Variants in LRRC55 observed in about 807,000 individuals in gnomAD.
LRRC55 encodes the protein leucine rich repeat containing 55.
Under a neutral mutation model 20.5 loss-of-function variants are expected in LRRC55, and 11 were observed. The ratio of observed to expected loss-of-function variants is 0.54; its 90% CI spans 0.34 to 0.89. LRRC55 has a LOEUF of 0.89. Ranked by LOEUF, LRRC55 falls within the 40% of genes least tolerant of loss-of-function variation. LRRC55 has a pLI of 0.02. For synonymous variants in LRRC55, 188 were observed against 166.6 expected, an observed-to-expected ratio of 1.13 and a Z score of -0.99; for missense variants, 358 against 390.9, an observed-to-expected ratio of 0.92 and a Z score of 0.71.
intron 1 of LRRC55, among the ~76,000 whole-genome samples, chr11:57,184,248 C>G (rs1590776649): frequency 7.2e-6 from 1 of 139,194 alleles, no homozygotes; most frequent in Non-Finnish European, 1.7e-5. Flanking sequence ...CCCTCTCTCT[C>G]CTGTGCACTA....
chr11:57,184,943 G>A (rs146477460), intron 1 of LRRC55, among the ~76,000 whole-genome samples: 1 of 152,246 alleles, frequency 6.6e-6, no homozygotes, highest in African/African-American at 2.4e-5. Flanking sequence ...GTTTCCAGAG[G>A]AGAGCTCACG....
rs540867115 is a variant in LRRC55, at chr11:57,191,540, T to C, written c.*4060T>C. ...GCTGGATCCACAGAGCTCTCAGTTTTTCTAAGCACTGTCCTGTAATGTGCT... is the reference window on the plus strand; with the variant it reads ...GCTGGATCCACAGAGCTCTCAGTTTCTCTAAGCACTGTCCTGTAATGTGCT... On this transcript the variant is annotated 3_prime_UTR_variant, in exon 2 of 2. Transcript: ENST00000497933. 1 of 145,222 alleles carries C rather than the reference T, an allele frequency of 6.9e-6. No individual in the cohort carries two copies. The highest frequency in any genetic ancestry group is 2.2e-4 in the East Asian group (1 of 4,570). The allele number at this position is 145,222 out of a possible 1,614,324, so 9.0% of individuals were successfully genotyped here.
At chr11:57,183,870 G>A (rs1854395733) in intron 1 of LRRC55, among the ~76,000 whole-genome samples, 1 of 152,220 alleles carries the variant, frequency 6.6e-6, no homozygotes, top group African/African-American at 2.4e-5. Context: ...CCAGAGGCAG[G>A]CAATGTTCAG....
intron 1 of LRRC55, among the ~76,000 whole-genome samples, chr11:57,184,379 C>G (rs1854402234): frequency 6.6e-6 from 1 of 152,158 alleles, no homozygotes; most frequent in Non-Finnish European, 1.5e-5. Flanking sequence ...GGAGAGGGGT[C>G]CAAGATTTCA....
chr11:57,191,085 T>G lies in LRRC55; in HGVS notation c.*3605T>G. On this transcript the variant is annotated 3_prime_UTR_variant, in exon 2 of 2. Transcript: ENST00000497933. The stretch of plus-strand genomic sequence containing the variant: ...TCCTTTTTAGAAGAGCCCTCATATC[T>G]GAATCACATCACTTTGGGCCAGTTA... The G allele has an allele frequency of 6.6e-6, 1 of 152,210 alleles. No homozygotes were observed. The highest frequency in any genetic ancestry group is 1.9e-4 in the East Asian group (1 of 5,182). The allele number at this position is 152,210 out of a possible 1,614,324, so 9.4% of individuals were successfully genotyped here. A position where few individuals can be genotyped will look rare whatever the true frequency, so the allele number is the denominator to read the frequency against.
chr11:57,187,451 A>G lies in LRRC55; in HGVS notation c.868A>G (p.Ser290Gly). The change falls in exon 2 of 2, where the codon AGC becomes GGC. Residue 290 changes from serine to glycine, a missense_variant. Physicochemically the swap from Ser to Gly is moderately conservative, Grantham distance 56. Coordinates refer to ENST00000497933, the MANE Select transcript of LRRC55 (RefSeq NM_001005210.4). ...GITANCCHRW[S>G]KASEEEEI ...CACTGCCAACTGCTGCCACCGCTGG[A>G]GCAAGGCCAGTGAAGAGGAAGAGAT... 5 of 1,614,128 alleles carry G rather than the reference A, an allele frequency of 3.1e-6. No individual in the cohort carries two copies. The highest frequency in any genetic ancestry group is 4.2e-6 in the Non-Finnish European group (5 of 1,180,030).
At chr11:57,183,053 C>T (rs1157480696) in intron 1 of LRRC55, among the ~76,000 whole-genome samples, 1 of 152,092 alleles carries the variant, frequency 6.6e-6, no homozygotes, top group Admixed American at 6.5e-5. Flanking sequence ...TTATTATACC[C>T]ATTTTCCAGG....
rs1354893241 is a variant in LRRC55, at chr11:57,188,796, G to A, written c.*1316G>A. 1.3e-5 allele frequency: 2 copies of A among 152,132 alleles called. No homozygotes were observed. Among genetic ancestry groups the A allele is most frequent in the Admixed American group, 1.3e-4 (2 of 15,268 alleles). 9.4% of individuals were successfully genotyped at this position (152,132 alleles called of 1,614,324 possible). A position where few individuals can be genotyped will look rare whatever the true frequency, so the allele number is the denominator to read the frequency against. ...TGACAAAGTTCCTCATAAGGTCCAG[G>A]CACTCCTCTGGGCACTTTTATATCT... On this transcript the variant is annotated 3_prime_UTR_variant, in exon 2 of 2. Coordinates refer to ENST00000497933, the MANE Select transcript of LRRC55 (RefSeq NM_001005210.4).
Position 57,185,624 on chromosome 11 carries a change from C to T in LRRC55, c.662-1621C>T, listed in dbSNP as rs1032472117. ...TTATAGAGGCCCCTTATTATACAGG[C>T]AGAGCATGAGAGCCAGAAAGACCAA... On this transcript the variant is annotated intron_variant, in intron 1 of 1. Coordinates refer to ENST00000497933, the MANE Select transcript of LRRC55 (RefSeq NM_001005210.4). Among the ~76,000 whole-genome samples, 8 of 151,732 alleles carry T rather than the reference C, an allele frequency of 5.3e-5. No individual in the cohort carries two copies. The East Asian group carries it at 1.5e-3, about 29-fold the overall frequency.
intron 1 of LRRC55, among the ~76,000 whole-genome samples, chr11:57,187,037 C>T (rs1464029858): frequency 6.6e-6 from 1 of 152,240 alleles, no homozygotes; most frequent in Non-Finnish European, 1.5e-5. Context: ...ACTCTTTAAA[C>T]AGTACTTTCC....
chr11:57,191,242 T>C lies in LRRC55; in HGVS notation c.*3762T>C, dbSNP rs75280835. On this transcript the variant is annotated 3_prime_UTR_variant, in exon 2 of 2. Coordinates refer to ENST00000497933, the MANE Select transcript of LRRC55 (RefSeq NM_001005210.4). ...GGCTCCTTTCGAGGAGGGACATGTATGAAATTTGAACAGATCAAGACAGGT... is the reference window on the plus strand; with the variant it reads ...GGCTCCTTTCGAGGAGGGACATGTACGAAATTTGAACAGATCAAGACAGGT... 0.082 allele frequency: 12,524 copies of C among 152,186 alleles called. 670 individuals are homozygous for C. Among genetic ancestry groups the C allele is most frequent in the Non-Finnish European group, 0.12 (8,330 of 68,004 alleles). 9.4% of individuals were successfully genotyped at this position (152,186 alleles called of 1,614,324 possible).
chr11:57,182,316 C>T lies in LRRC55; in HGVS notation c.294C>T (p.Asn98=), dbSNP rs1304192014. The T allele has an allele frequency of 1.2e-6, 2 of 1,614,130 alleles. No individual in the cohort carries two copies. ...YMELQVLDLH[N]NSLMELPRGL... is the part of the protein sequence containing the mutation. ...AGCTCCAGGTGCTGGATTTGCACAA[C>T]AACTCCTTAATGGAGCTGCCCCGGG... The change falls in exon 1 of 2, where the codon AAC becomes AAT. Residue 98 remains asparagine, a synonymous_variant. Transcript: ENST00000497933.
At position 57,182,430 on chromosome 11, in the gene LRRC55, C is replaced by T. The variant is rs1854371804; in HGVS notation, c.408C>T (p.Ala136=). Residue 136 remains alanine (A), a synonymous_variant, in exon 1 of 2, where the codon GCC becomes GCT. Transcript: ENST00000497933. ...TGCCAGCCGACATGTTCCAGGAGGC[C>T]CATGGGCTAGTCCACATCGACCTGA... is the stretch of plus-strand genomic sequence containing the variant. The part of the protein sequence containing the change: ...SHVPADMFQE[A]HGLVHIDLSH... 6.2e-7 allele frequency: 1 copy of T among 1,612,660 alleles called. No homozygotes were observed. Among genetic ancestry groups the T allele is most frequent in the Non-Finnish European group, 8.5e-7 (1 of 1,180,010 alleles).
intron 1 of LRRC55, 36 bp from the exon 2 acceptor site, chr11:57,187,209 C>G: frequency 6.3e-7 from 1 of 1,589,632 alleles, no homozygotes; most frequent in Non-Finnish European, 8.6e-7. Flanking sequence ...CTCTCCTTCC[C>G]TGGGTACCTC....
At chr11:57,184,074 G>A (rs1854398373) in intron 1 of LRRC55, among the ~76,000 whole-genome samples, 1 of 152,222 alleles carries the variant, frequency 6.6e-6, no homozygotes, top group Admixed American at 6.5e-5. Context: ...AAAATAGTTT[G>A]GGGAGGGCTG....
At position 57,187,710 on chromosome 11, in the gene LRRC55, C is replaced by T. The variant is rs1341872944; in HGVS notation, c.*230C>T. 3.3e-6 allele frequency: 2 copies of T among 601,094 alleles called. No homozygotes were observed. The highest frequency in any genetic ancestry group is 5.9e-6 in the Non-Finnish European group (2 of 340,338). The allele number at this position is 601,094 out of a possible 1,614,324, so 37.2% of individuals were successfully genotyped here. A position where few individuals can be genotyped will look rare whatever the true frequency, so the allele number is the denominator to read the frequency against. ...GTCCCTGCCCTCAAGGCACTTCCCTCTGGTCAAGGAGAGAGATCCAAAAAC... is the reference window on the plus strand; with the variant it reads ...GTCCCTGCCCTCAAGGCACTTCCCTTTGGTCAAGGAGAGAGATCCAAAAAC... On this transcript the variant is annotated 3_prime_UTR_variant, in exon 2 of 2. Transcript: ENST00000497933.
Position 57,182,622 on chromosome 11 carries a change from T to C in LRRC55, c.600T>C (p.Cys200=), listed in dbSNP as rs764488727. Residue 200 remains cysteine (C), a synonymous_variant, in exon 1 of 2, where the codon TGT becomes TGC. Coordinates refer to ENST00000497933, the MANE Select transcript of LRRC55 (RefSeq NM_001005210.4). ...TLQIGGNPWV[C]GCTMEPLLKW... ...AGATCGGTGGCAATCCCTGGGTGTG[T>C]GGCTGCACCATGGAACCCCTGCTGA... 1.3e-6 allele frequency: 2 copies of C among 1,522,318 alleles called. No homozygotes were observed. The highest frequency in any genetic ancestry group is 2.7e-5 in the South Asian group (2 of 75,436). 94.3% of individuals were successfully genotyped at this position (1,522,318 alleles called of 1,614,324 possible). A position where few individuals can be genotyped will look rare whatever the true frequency, so the allele number is the denominator to read the frequency against.
In LRRC55 at chr11:57,191,421, G is replaced by A. The variant is rs1417216389; in HGVS notation, c.*3941G>A. 1.3e-5 allele frequency: 2 copies of A among 152,146 alleles called. No homozygotes were observed. Among genetic ancestry groups the A allele is most frequent in the African/African-American group, 4.8e-5 (2 of 41,402 alleles). 9.4% of individuals were successfully genotyped at this position (152,146 alleles called of 1,614,324 possible). Reference sequence around the variant, plus strand: ...CCTAAAGCCAGAGAAAATTGTCTGCGCTTCCCCACCCCAGGAAGAGGCAAA... The same window carrying A: ...CCTAAAGCCAGAGAAAATTGTCTGCACTTCCCCACCCCAGGAAGAGGCAAA... On this transcript the variant is annotated 3_prime_UTR_variant, in exon 2 of 2. Coordinates refer to ENST00000497933, the MANE Select transcript of LRRC55 (RefSeq NM_001005210.4).
In LRRC55 at chr11:57,182,640, C is replaced by T. The variant is rs375438825; in HGVS notation, c.618C>T (p.Pro206=). 65 of 1,515,706 alleles carry T rather than the reference C, an allele frequency of 4.3e-5. No individual in the cohort carries two copies. Among genetic ancestry groups the T allele is most frequent in the Non-Finnish European group, 5.6e-5 (63 of 1,132,670 alleles). The allele number at this position is 1,515,706 out of a possible 1,614,324, so 93.9% of individuals were successfully genotyped here. Reference sequence around the variant, plus strand: ...GGGTGTGTGGCTGCACCATGGAACCCCTGCTGAAGTGGCTGCGAAACCGGA... The same window carrying T: ...GGGTGTGTGGCTGCACCATGGAACCTCTGCTGAAGTGGCTGCGAAACCGGA... ...NPWVCGCTME[P]LLKWLRNRIQ... The change falls in exon 1 of 2, where the codon CCC becomes CCT. Residue 206 remains proline (P), a synonymous_variant. Transcript: ENST00000497933.
Sources: gnomAD v4.1 joint callset for allele counts (sites outside exome capture counted in the v4.1 genomes callset) on GRCh38, gnomAD v4.1.1 for gene constraint, MANE v1.5 for transcripts, NCBI Gene and HGNC (gene_info 2026-07-23, HGNC 2026-07-21) for gene names.